The following SPTA1 variants were observed in gnomAD, a reference collection of about 807,000 sequenced individuals.
SPTA1 encodes spectrin alpha chain, erythrocytic 1.
In SPTA1, 177 loss-of-function variants were observed where a neutral mutation model predicts 324.7. That is an observed-to-expected ratio of 0.55 (90% CI 0.48 to 0.62). The LOEUF is 0.62. Ranked by LOEUF, SPTA1 falls within the 20% of genes least tolerant of loss-of-function variation. The pLI is 0.00. For synonymous variants in SPTA1, 1,195 were observed against 1,041.3 expected (o/e 1.15, Z -2.84); for missense variants, 3,162 against 2,883.6 (o/e 1.10, Z -2.21).
intron 33 of SPTA1, among the ~76,000 whole-genome samples, chr1:158,640,510 T>C (rs1040048907): frequency 1.3e-5 from 2 of 152,106 alleles, no homozygotes; most frequent in African/African-American, 4.8e-5. Context: ...TCACAAGCAT[T>C]CTTATACACC....
At chr1:158,669,952 C>T (rs71632628) in intron 12 of SPTA1, among the ~76,000 whole-genome samples, 166 bp from the exon 13 acceptor site, 2,303 of 152,244 alleles carry the variant, frequency 0.015, 31 homozygotes, top group Non-Finnish European at 0.021. Context: ...AATTGTATTT[C>T]AAAATATATA....
Position 158,648,668 on chromosome 1 carries a change from A to T in SPTA1, c.3570-15T>A. 1 of 1,613,052 alleles carries T rather than the reference A, an allele frequency of 6.2e-7. No homozygotes were observed. Among genetic ancestry groups the T allele is most frequent in the South Asian group, 1.1e-5 (1 of 91,062 alleles). On this transcript the variant is annotated splice_polypyrimidine_tract_variant and intron_variant, in intron 25 of 51. Coordinates refer to ENST00000643759, the MANE Select transcript of SPTA1 (RefSeq NM_003126.4). ...CATCTGCTTCTCTGGTATACAAGAG[A>T]GTAGAGAGTTCAAAAGTAAGGATAT...
intron 29 of SPTA1, among the ~76,000 whole-genome samples, chr1:158,644,704 C>A (rs1651863428): frequency 6.6e-6 from 1 of 152,172 alleles, no homozygotes; most frequent in Non-Finnish European, 1.5e-5. Context: ...TAGCCTGTGA[C>A]ACAACCACTT....
rs1449567529 is a variant in SPTA1 at position 158,622,797 on chromosome 1, C to T, written c.6120+186G>A. The stretch of plus-strand genomic sequence containing the variant: ...TTAGTTATGCAACTAATCAATCAAT[C>T]TAAAAAAAATTTTTAAAGCTTCTTT... On this transcript the variant is annotated intron_variant, in intron 43 of 51. Transcript: ENST00000643759. The T allele has an allele frequency of 2.5e-5, 15 of 599,068 alleles. No individual in the cohort carries two copies. The East Asian group carries it at 4.1e-4, about 17-fold the overall frequency. The allele number at this position is 599,068 out of a possible 1,614,324, so 37.1% of individuals were successfully genotyped here. A position where few individuals can be genotyped will look rare whatever the true frequency, so the allele number is the denominator to read the frequency against.
intron 25 of SPTA1, among the ~76,000 whole-genome samples, chr1:158,649,275 C>CT (rs576954027): frequency 1.5e-4 from 23 of 152,030 alleles, no homozygotes; most frequent in Non-Finnish European, 2.8e-4. Context: ...CTTCAAGTTT[C>CT]TTTCTTTCTG....
rs760129081 is a variant in SPTA1, at chr1:158,678,471, G to A, written c.742C>T (p.Arg248Cys). ...KQNEVNAAWERLRGLALQRQK... is the reference protein window; with the variant it reads ...KQNEVNAAWECLRGLALQRQK... ...CTCTGGAGAGCCAAACCACGAAGGC[G>A]CTCCCAGGCAGCATTCACCTCATTT... The change falls in exon 6 of 52, where the codon CGC becomes TGC. Residue 248 changes from arginine to cysteine, a missense_variant. Physicochemically the swap from Arg to Cys is radical, Grantham distance 180 (BLOSUM62 -3). Coordinates refer to ENST00000643759, the MANE Select transcript of SPTA1 (RefSeq NM_003126.4). The A allele has an allele frequency of 9.9e-6, 16 of 1,613,600 alleles. No homozygotes were observed. The highest frequency in any genetic ancestry group is 2.2e-5 in the East Asian group (1 of 44,882).
At chr1:158,645,423 T>G in intron 28 of SPTA1, 38 bp from the exon 29 acceptor site, 1 of 1,613,898 alleles carries the variant, frequency 6.2e-7, no homozygotes, top group Non-Finnish European at 8.5e-7. Flanking sequence ...TGAGGCCAAC[T>G]CCATTGGAAA....
At chr1:158,628,128 G>T (rs1177901960) in intron 39 of SPTA1, among the ~76,000 whole-genome samples, 9 of 152,110 alleles carry the variant, frequency 5.9e-5, no homozygotes, top group African/African-American at 2.2e-4. Flanking sequence ...ATCCTAAAGA[G>T]AAGTTAAGGG....
In SPTA1 at chr1:158,686,573, G is replaced by GAGAGAGAT; in HGVS notation, c.-57_-56insATCTCTCT. On this transcript the variant is annotated 5_prime_UTR_variant, in exon 1 of 52. The change abolishes the stop of an existing upstream ORF in the 5' untranslated region. Coordinates refer to ENST00000643759, the MANE Select transcript of SPTA1 (RefSeq NM_003126.4). ...AAAATGTGTCAGAGAGAGAGAGAGA[G>GAGAGAGAT]AGAAATAATTCAAATGGAACTGTCC... 1 of 1,414,506 alleles carries GAGAGAGAT rather than the reference G, an allele frequency of 7.1e-7. No individual in the cohort carries two copies. Among genetic ancestry groups the GAGAGAGAT allele is most frequent in the Non-Finnish European group, 1.0e-6 (1 of 999,934 alleles). The allele number at this position is 1,414,506 out of a possible 1,614,324, so 87.6% of individuals were successfully genotyped here.
At chr1:158,621,325 C>A (rs1445731943) in intron 43 of SPTA1, among the ~76,000 whole-genome samples, 1 of 152,044 alleles carries the variant, frequency 6.6e-6, no homozygotes, top group Non-Finnish European at 1.5e-5. Context: ...TTCCCAAATA[C>A]AAGAATTAAA....
intron 35 of SPTA1, 137 bp downstream of exon 35, chr1:158,639,445 T>C: frequency 1.2e-6 from 1 of 850,112 alleles, no homozygotes; most frequent in South Asian, 1.4e-5. Flanking sequence ...TTTTACCTAA[T>C]TAAAATGACT....
intron 3 of SPTA1, 119 bp downstream of exon 3, chr1:158,683,252 T>C: frequency 7.0e-7 from 1 of 1,419,238 alleles, no homozygotes; most frequent in South Asian, 1.2e-5. Flanking sequence ...CAGGGGAAGA[T>C]AAGAGGCAGG....
intron 22 of SPTA1, 48 bp from the exon 23 acceptor site, chr1:158,652,701 G>A (rs754746824): frequency 1.2e-6 from 2 of 1,600,088 alleles, no homozygotes; most frequent in African/African-American, 2.7e-5. Context: ...AGAAAATACA[G>A]AAGAGTAGAG....
At position 158,680,577 on chromosome 1, in the gene SPTA1, C is replaced by A. The variant is rs1181095523; in HGVS notation, c.678+6G>T. The A allele has an allele frequency of 6.2e-7, 1 of 1,613,730 alleles. No homozygotes were observed. The highest frequency in any genetic ancestry group is 8.5e-7 in the Non-Finnish European group (1 of 1,179,802). On this transcript the variant is annotated splice_donor_region_variant and intron_variant, in intron 5 of 51. Transcript: ENST00000643759. Reference sequence around the variant, plus strand: ...GCACGGAGTGAATATTTTGCTCCCACCTCACCTCGGCACACTCATTGGCAT... The same window carrying A: ...GCACGGAGTGAATATTTTGCTCCCAACTCACCTCGGCACACTCATTGGCAT...
chr1:158,645,930 A>G (rs1651969924), intron 27 of SPTA1, among the ~76,000 whole-genome samples: 2 of 152,244 alleles, frequency 1.3e-5, no homozygotes, highest in South Asian at 4.1e-4. Context: ...AAAAGCAGAC[A>G]TCTTCAATAA....
At chr1:158,684,804 G>A (rs1444246485) in intron 2 of SPTA1, among the ~76,000 whole-genome samples, 1 of 152,116 alleles carries the variant, frequency 6.6e-6, no homozygotes, top group Non-Finnish European at 1.5e-5. Context: ...ATTAAAAAAT[G>A]TATATTCTGA....
At position 158,630,470 on chromosome 1, in the gene SPTA1, C is replaced by T. The variant is rs945084879; in HGVS notation, c.5566-2747G>A. 3.9e-5 allele frequency among the ~76,000 whole-genome samples: 6 copies of T among 151,926 alleles called. No homozygotes were observed. The East Asian group carries it at 1.2e-3, about 29-fold the overall frequency. On this transcript the variant is annotated intron_variant, in intron 39 of 51. Transcript: ENST00000643759. ...AGAATAATGAAATAAGACCCTTATG[C>T]CATACCCAAGAATCAACTCAAAATT...
Position 158,676,082 on chromosome 1 carries a change from G to A in SPTA1, c.1112+59C>T, listed in dbSNP as rs116951408. On this transcript the variant is annotated intron_variant, in intron 8 of 51. Transcript: ENST00000643759. ...TCCCTTTACTCTTATTTCTTCTCTC[G>A]CTATTATATCTGGGCCCTGTAGAGA... 632 of 1,605,410 alleles carry A rather than the reference G, an allele frequency of 3.9e-4. 2 individuals carry two copies. The East Asian group carries it at 0.011, about 29-fold the overall frequency.
chr1:158,645,662 CA>C, intron 27 of SPTA1, 68 bp from the exon 28 acceptor site: 17 of 1,515,790 alleles, frequency 1.1e-5, no homozygotes, highest in Non-Finnish European at 1.5e-5. Flanking sequence ...GTTTGTCCTA[CA>C]GTTTTCCATT....
Sources: allele counts gnomAD v4.1 joint callset (sites outside exome capture counted in the v4.1 genomes callset), GRCh38; gene constraint gnomAD v4.1.1; transcripts MANE v1.5; gene names NCBI Gene and HGNC (gene_info 2026-07-23, HGNC 2026-07-21).